The following KCNK10 variants were observed in gnomAD, a reference collection of about 807,000 sequenced individuals.
KCNK10 encodes potassium two pore domain channel subfamily K member 10, also known as potassium channel subfamily K member 10.
Under a neutral mutation model 47.7 loss-of-function variants are expected in KCNK10, and 25 were observed. The observed-to-expected ratio is 0.52, with a 90% CI of 0.38 to 0.73. The LOEUF (loss-of-function observed/expected upper bound fraction) is 0.73. Among genes scored for constraint, KCNK10 ranks in the 30% least tolerant of loss-of-function variants. The pLI is 0.00. For synonymous variants in KCNK10, 303 were observed against 285.6 expected (o/e 1.06, Z -0.61); for missense variants, 563 against 714.5 (o/e 0.79, Z 2.42).
intron 4 of KCNK10, among the ~76,000 whole-genome samples, chr14:88,215,297 G>A (rs975194638): frequency 6.6e-6 from 1 of 152,178 alleles, no homozygotes; most frequent in African/African-American, 2.4e-5. Flanking sequence ...GAAGCCTCAG[G>A]AAACTTACAA....
intron 1 of KCNK10, among the ~76,000 whole-genome samples, chr14:88,294,079 T>C (rs1369276123): frequency 1.3e-5 from 2 of 152,170 alleles, no homozygotes; most frequent in East Asian, 3.9e-4. Context: ...GGGAAACCAC[T>C]ACAGCCCACT....
At chr14:88,297,627 A>C (rs1215438616) in intron 1 of KCNK10, among the ~76,000 whole-genome samples, 1 of 152,176 alleles carries the variant, frequency 6.6e-6, no homozygotes, top group Non-Finnish European at 1.5e-5. Flanking sequence ...GCACTTAACC[A>C]ATCCCAGTGA....
At chr14:88,315,693 A>G (rs1307895734) in intron 1 of KCNK10, among the ~76,000 whole-genome samples, 1 of 152,118 alleles carries the variant, frequency 6.6e-6, no homozygotes, top group Non-Finnish European at 1.5e-5. Flanking sequence ...GGCGTCTGCA[A>G]AGGTTACCGT....
At chr14:88,242,821 C>A (rs1886519695) in intron 2 of KCNK10, among the ~76,000 whole-genome samples, 2 of 152,166 alleles carry the variant, frequency 1.3e-5, no homozygotes, top group Non-Finnish European at 2.9e-5. Context: ...TCTTCATTAT[C>A]AATTCAGCTC....
intron 4 of KCNK10, among the ~76,000 whole-genome samples, chr14:88,217,561 A>G (rs1026992826): frequency 6.6e-6 from 1 of 152,080 alleles, no homozygotes; most frequent in Non-Finnish European, 1.5e-5. Context: ...ATTTTACTTA[A>G]AAATATTTTT....
At chr14:88,311,417 G>A (rs1337297921) in intron 1 of KCNK10, among the ~76,000 whole-genome samples, 3 of 151,860 alleles carry the variant, frequency 2.0e-5, no homozygotes, top group Non-Finnish European at 4.4e-5. Flanking sequence ...ACCCTCATGC[G>A]CCATGCCACA....
chr14:88,187,023 A>G (rs965179932), intron 6 of KCNK10, among the ~76,000 whole-genome samples: 2 of 152,222 alleles, frequency 1.3e-5, no homozygotes, highest in Non-Finnish European at 2.9e-5. Flanking sequence ...GAAAGTCAAT[A>G]TTCATGTTGT....
intron 4 of KCNK10, among the ~76,000 whole-genome samples, chr14:88,197,161 G>A (rs1039157858): frequency 6.6e-5 from 10 of 152,236 alleles, no homozygotes; most frequent in Non-Finnish European, 1.2e-4. Flanking sequence ...ATGACAGACT[G>A]GCCAGTTCAG....
At chr14:88,274,052 C>A in intron 1 of KCNK10, among the ~76,000 whole-genome samples, 1 of 127,156 alleles carries the variant, frequency 7.9e-6, no homozygotes, top group African/African-American at 2.9e-5. Flanking sequence ...CCCCCACCCC[C>A]CACCCTGCCC....
intron 1 of KCNK10, among the ~76,000 whole-genome samples, chr14:88,312,161 C>T (rs922037609): frequency 1.3e-5 from 2 of 152,154 alleles, no homozygotes; most frequent in African/African-American, 4.8e-5. Context: ...CTGCCCAGAA[C>T]ACAGAAGCTC....
intron 1 of KCNK10, among the ~76,000 whole-genome samples, chr14:88,302,265 G>A (rs1292637468): frequency 6.6e-6 from 1 of 152,184 alleles, no homozygotes; most frequent in East Asian, 1.9e-4. Context: ...GCATATAGAT[G>A]ATACAGAGGG....
chr14:88,255,317 A>G (rs565765622), intron 2 of KCNK10, among the ~76,000 whole-genome samples: 71 of 152,208 alleles, frequency 4.7e-4, no homozygotes, highest in Middle Eastern at 3.4e-3. Flanking sequence ...TCCAAGTTTA[A>G]TCACTTATTG....
intron 3 of KCNK10, among the ~76,000 whole-genome samples, chr14:88,237,313 C>T (rs1008015473): frequency 1.3e-5 from 2 of 152,176 alleles, no homozygotes; most frequent in Non-Finnish European, 2.9e-5. Flanking sequence ...GCAGTGGCAT[C>T]CTCTAGTGAA....
Position 88,272,479 on chromosome 14 carries a change from A to G in KCNK10, c.53-8928T>C, listed in dbSNP as rs182959565. ...GAGGTGGAGAGGAAGGCGGAACAGC[A>G]ATGGGGGGGCAACAGATACAAAGAC... On this transcript the variant is annotated intron_variant, in intron 1 of 6. Transcript: ENST00000319231. 3.2e-3 allele frequency among the ~76,000 whole-genome samples: 493 copies of G among 152,146 alleles called. 5 individuals carry two copies. The highest frequency in any genetic ancestry group is 4.2e-3 in the Non-Finnish European group (286 of 67,988).
intron 2 of KCNK10, among the ~76,000 whole-genome samples, chr14:88,248,461 G>A (rs942027714): frequency 1.3e-5 from 2 of 152,128 alleles, no homozygotes; most frequent in African/African-American, 2.4e-5. Flanking sequence ...GGGCATGGTA[G>A]TTCATGCCAA....
At chr14:88,199,590 C>A (rs761220822) in intron 4 of KCNK10, among the ~76,000 whole-genome samples, 4 of 152,162 alleles carry the variant, frequency 2.6e-5, no homozygotes, top group African/African-American at 4.8e-5. Context: ...ACACCCCTTG[C>A]CTCGCTGGCT....
rs1351915767 is a variant in KCNK10 at position 88,210,244 on chromosome 14, G to A, written c.681+17131C>T. On this transcript the variant is annotated intron_variant, in intron 4 of 6. Transcript: ENST00000319231. Reference sequence around the variant, plus strand: ...ATGGATCATTCACCCAAGGTGGTGTGACTTCAGAGCCTGCCTGCCCTAGCC... The same window carrying A: ...ATGGATCATTCACCCAAGGTGGTGTAACTTCAGAGCCTGCCTGCCCTAGCC... Among the ~76,000 whole-genome samples, 4 of 152,230 alleles carry A rather than the reference G, an allele frequency of 2.6e-5. No homozygotes were observed. The East Asian group carries it at 7.7e-4, about 29-fold the overall frequency.
Position 88,238,673 on chromosome 14 carries a change from C to CA in KCNK10, c.520+2029dup, listed in dbSNP as rs1367234522. On this transcript the variant is annotated intron_variant, in intron 3 of 6. Transcript: ENST00000319231. Reference sequence around the variant, plus strand: ...TGGGTGACACAGAGAGATCCTGTCTCAAAAAAAATAAAACACAAAATTTCC... The same window carrying CA: ...TGGGTGACACAGAGAGATCCTGTCTCAAAAAAAAATAAAACACAAAATTTCC... Among the ~76,000 whole-genome samples the CA allele has an allele frequency of 1.3e-4, 20 of 151,864 alleles. No individual in the cohort carries two copies. In the East Asian group the frequency reaches 3.9e-3, roughly 29 times the overall value.
chr14:88,187,558 A>G lies in KCNK10; in HGVS notation c.1011+409T>C, dbSNP rs535614273. 6.6e-5 allele frequency among the ~76,000 whole-genome samples: 10 copies of G among 152,218 alleles called. No homozygotes were observed. The South Asian group carries it at 2.1e-3, about 32-fold the overall frequency. On this transcript the variant is annotated intron_variant, in intron 6 of 6. Transcript: ENST00000319231. ...TTCGATGATTTCAGTTTCTTACTGA[A>G]TCAGGAAAGATTCTTGGCGTTCAAC...
Sources: allele counts gnomAD v4.1 joint callset (sites outside exome capture counted in the v4.1 genomes callset), GRCh38; gene constraint gnomAD v4.1.1; transcripts MANE v1.5; gene names NCBI Gene and HGNC (gene_info 2026-07-23, HGNC 2026-07-21).